Variants in AP4E1 observed in about 807,000 individuals in gnomAD.
AP4E1 encodes the protein adaptor related protein complex 4 subunit epsilon 1.
AP4E1 carries 56 observed loss-of-function variants against 128.2 expected under a neutral mutation model. The ratio of observed to expected loss-of-function variants is 0.44; its 90% CI spans 0.35 to 0.55. AP4E1 has a LOEUF of 0.55. AP4E1 is among the 20% of genes least tolerant of loss of function. The pLI is 0.00. For missense variants in AP4E1, 1,324 were observed against 1,307.7 expected (o/e 1.01, Z -0.19); for synonymous variants, 484 against 473.1 (o/e 1.02, Z -0.30).
chr15:50,940,140 A>G (rs2063963843), intron 8 of AP4E1, among the ~76,000 whole-genome samples: 1 of 152,066 alleles, frequency 6.6e-6, no homozygotes, highest in African/African-American at 2.4e-5. Context: ...CTCTTTGTTT[A>G]GTTTGTCTAG....
chr15:50,960,522 A>G (rs987452948), intron 14 of AP4E1, among the ~76,000 whole-genome samples: 1 of 152,254 alleles, frequency 6.6e-6, no homozygotes, highest in East Asian at 1.9e-4. Flanking sequence ...TTTCTGAGTG[A>G]TGATTAGGTC....
At chr15:50,997,206 T>G in intron 17 of AP4E1, 120 bp from the exon 18 acceptor site, 2 of 881,192 alleles carry the variant, frequency 2.3e-6, no homozygotes, top group Non-Finnish European at 3.3e-6. Flanking sequence ...ACTAATTTAT[T>G]CTTTATAGAT....
In AP4E1 at chr15:50,920,110, C is replaced by CTTT. The variant is rs34342608; in HGVS notation, c.347-3802_347-3800dup. 1.2e-3 allele frequency among the ~76,000 whole-genome samples: 61 copies of CTTT among 50,052 alleles called. 1 individual carries two copies. The highest frequency in any genetic ancestry group is 2.1e-3 in the South Asian group (3 of 1,410). The allele number at this position is 50,052 out of a possible 152,430, so 32.8% of individuals were successfully genotyped here. ...AAAAAAAAAAAGATAAAATTTATGC[C>CTTT]TTTTTTTTTTTTTTTTTTTTTGAGA... On this transcript the variant is annotated intron_variant, in intron 3 of 20. Transcript: ENST00000261842.
chr15:50,971,466 C>T (rs2064477223), intron 15 of AP4E1, among the ~76,000 whole-genome samples: 1 of 152,086 alleles, frequency 6.6e-6, no homozygotes, highest in South Asian at 2.1e-4. Flanking sequence ...CTTTGAGCTT[C>T]CTGGACTAGG....
intron 15 of AP4E1, among the ~76,000 whole-genome samples, chr15:50,982,484 G>GA (rs2064657347): frequency 6.6e-6 from 1 of 152,120 alleles, no homozygotes; most frequent in Admixed American, 6.6e-5. Context: ...TTCTATATCT[G>GA]AATCTCTGTA....
chr15:50,997,543 CT>C lies in AP4E1; in HGVS notation c.2565del (p.Glu856SerfsTer47). ...TCTCTCACTTCAGAACTTTTGGATT[CT>C]GAGTCACTCACAGAACTGCCCTTGG... ...KFSLTSELLD[S>X]ESLTELPLVE... On this transcript the variant is annotated frameshift_variant, in exon 18 of 21. Transcript: ENST00000261842. LOFTEE classifies it high-confidence loss of function. 6.2e-7 allele frequency: 1 copy of C among 1,614,074 alleles called. No individual in the cohort carries two copies. Among genetic ancestry groups the C allele is most frequent in the Non-Finnish European group, 8.5e-7 (1 of 1,179,976 alleles).
chr15:50,923,905 T>G (rs775897017), intron 3 of AP4E1, 26 bp from the exon 4 acceptor site: 1 of 1,567,794 alleles, frequency 6.4e-7, no homozygotes. Context: ...TAGTTAGTAA[T>G]CAGACTTTTC....
intron 14 of AP4E1, among the ~76,000 whole-genome samples, chr15:50,964,792 G>A (rs570649496): frequency 1.2e-4 from 18 of 152,092 alleles, no homozygotes; most frequent in East Asian, 1.2e-3. Context: ...TGGATCTCCC[G>A]CCCAAATCTC....
chr15:50,935,711 C>T (rs1266932009), intron 8 of AP4E1, among the ~76,000 whole-genome samples: 10 of 152,078 alleles, frequency 6.6e-5, no homozygotes, highest in Non-Finnish European at 7.4e-5. Context: ...GGATAACCTG[C>T]GGACCTTTAA....
In AP4E1 at chr15:50,925,150, G is replaced by A; in HGVS notation, c.473G>A (p.Ser158Asn). ...GTGTGTATGGCACTGACTGTTGTTA[G>A]CCAGATTTTCCCCTGCGAAATGATT... Reference protein sequence around the residue: ...VEVCMALTVVSQIFPCEMIPA... With the variant: ...VEVCMALTVVNQIFPCEMIPA... Residue 158 changes from serine to asparagine, a missense_variant, in exon 5 of 21, where the codon AGC becomes AAC. Ser to Asn is a conservative substitution (Grantham distance 46, BLOSUM62 1). Transcript: ENST00000261842. The A allele has an allele frequency of 6.2e-7, 1 of 1,614,012 alleles. No individual in the cohort carries two copies. Among genetic ancestry groups the A allele is most frequent in the Non-Finnish European group, 8.5e-7 (1 of 1,179,908 alleles).
At chr15:50,978,554 G>A (rs1297389204) in intron 15 of AP4E1, among the ~76,000 whole-genome samples, 1 of 152,132 alleles carries the variant, frequency 6.6e-6, no homozygotes, top group Non-Finnish European at 1.5e-5. Flanking sequence ...ATACAAATAG[G>A]TTGAATGTTG....
chr15:50,994,190 A>ATT (rs2064841835), intron 17 of AP4E1, among the ~76,000 whole-genome samples: 1 of 152,342 alleles, frequency 6.6e-6, no homozygotes, highest in African/African-American at 2.4e-5. Context: ...AAAAATGATA[A>ATT]TTATATTCAG....
intron 17 of AP4E1, among the ~76,000 whole-genome samples, chr15:50,995,099 CT>C (rs537182988): frequency 2.0e-5 from 3 of 152,166 alleles, no homozygotes; most frequent in Non-Finnish European, 4.4e-5. Flanking sequence ...TATCCTCTCA[CT>C]TCTCAGCCCC....
intron 20 of AP4E1, 96 bp downstream of exon 20, chr15:51,001,279 C>G (rs2064959671): frequency 8.5e-7 from 1 of 1,174,356 alleles, no homozygotes; most frequent in African/African-American, 1.5e-5. Context: ...TTTCTCAGAG[C>G]TTTATTTCCT....
At chr15:50,909,483 C>T (rs1596448050) in intron 1 of AP4E1, among the ~76,000 whole-genome samples, 1 of 152,104 alleles carries the variant, frequency 6.6e-6, no homozygotes, top group Admixed American at 6.5e-5. Flanking sequence ...ACGTGTTGGG[C>T]AAAGAAAAAG....
rs761526629 is a variant in AP4E1, at chr15:50,929,127, G to A, written c.661G>A (p.Val221Ile). ...RKALCDRDVG[V>I]MAASLHIYLR... ...AGCACTTTGTGACAGAGATGTTGGG[G>A]TCATGGCTGCCTCCTTGCATATATA... The change falls in exon 6 of 21, where the codon GTC becomes ATC. Residue 221 changes from valine (V) to isoleucine (I), a missense_variant. Coordinates refer to ENST00000261842, the MANE Select transcript of AP4E1 (RefSeq NM_007347.5). 4 of 1,613,848 alleles carry A rather than the reference G, an allele frequency of 2.5e-6. No homozygotes were observed. The highest frequency in any genetic ancestry group is 3.4e-6 in the Non-Finnish European group (4 of 1,179,900).
chr15:50,930,863 T>C lies in AP4E1; in HGVS notation c.761T>C (p.Val254Ala). 1.2e-6 allele frequency: 2 copies of C among 1,614,090 alleles called. No individual in the cohort carries two copies. The highest frequency in any genetic ancestry group is 2.2e-5 in the South Asian group (2 of 91,082). Residue 254 changes from valine to alanine, a missense_variant, in exon 7 of 21, where the codon GTA (valine) becomes GCA (alanine). By Grantham distance (64) the Val-to-Ala change is moderately conservative. Coordinates refer to ENST00000261842, the MANE Select transcript of AP4E1 (RefSeq NM_007347.5). Reference protein sequence around the residue: ...TGSFVTILKQVVGGKLPVEFN... With the variant: ...TGSFVTILKQAVGGKLPVEFN... Reference sequence around the variant, plus strand: ...AGTTTTGTAACCATTTTGAAGCAAGTAGTTGGAGGAAAGCTCCCAGTAGAA... The same window carrying C: ...AGTTTTGTAACCATTTTGAAGCAAGCAGTTGGAGGAAAGCTCCCAGTAGAA...
At chr15:50,927,116 A>G (rs1361265868) in intron 5 of AP4E1, among the ~76,000 whole-genome samples, 1 of 152,188 alleles carries the variant, frequency 6.6e-6, no homozygotes, top group Non-Finnish European at 1.5e-5. Flanking sequence ...TTTTTGCTTA[A>G]CTTTTCCTTA....
At chr15:50,973,820 T>A (rs1345073739) in intron 15 of AP4E1, among the ~76,000 whole-genome samples, 1 of 152,244 alleles carries the variant, frequency 6.6e-6, no homozygotes, top group African/African-American at 2.4e-5. Flanking sequence ...CACCTACTGA[T>A]GAACATTTAA....
Sources: gnomAD v4.1 joint callset for allele counts (sites outside exome capture counted in the v4.1 genomes callset) on GRCh38, gnomAD v4.1.1 for gene constraint, MANE v1.5 for transcripts, NCBI Gene and HGNC (gene_info 2026-07-23, HGNC 2026-07-21) for gene names.